Variants in ARHGAP6 observed in about 807,000 individuals in gnomAD.
The protein encoded by ARHGAP6 is Rho GTPase activating protein 6.
Under a neutral mutation model 55.7 loss-of-function variants are expected in ARHGAP6, and 16 were observed. That is an observed-to-expected ratio of 0.29 (90% CI 0.19 to 0.44). The LOEUF (loss-of-function observed/expected upper bound fraction) is 0.44. Ranked by LOEUF, ARHGAP6 falls within the 20% of genes least tolerant of loss-of-function variation. ARHGAP6 has a pLI of 1.00. For missense variants in ARHGAP6, 698 were observed against 808.9 expected, an observed-to-expected ratio of 0.86 and a Z score of 1.66; for synonymous variants, 382 against 360.9, an observed-to-expected ratio of 1.06 and a Z score of -0.66.
chrX:11,563,543 T>C (rs2051410632), intron 1 of ARHGAP6, among the ~76,000 whole-genome samples: 1 of 111,063 alleles, frequency 9.0e-6, no homozygotes, highest in Non-Finnish European at 1.9e-5. Context: ...TAAGTACATA[T>C]CCACCTACTA....
At chrX:11,511,136 A>T (rs915819899) in intron 1 of ARHGAP6, among the ~76,000 whole-genome samples, 4 of 112,465 alleles carry the variant, frequency 3.6e-5, no homozygotes, top group African/African-American at 1.3e-4. Flanking sequence ...GAGCATAATT[A>T]AAATGACACA....
chrX:11,329,763 C>T (rs780063491), intron 1 of ARHGAP6, among the ~76,000 whole-genome samples: 1 of 112,361 alleles, frequency 8.9e-6, no homozygotes, highest in South Asian at 3.7e-4. Context: ...ATAGCATGTA[C>T]TTACACAAAC....
intron 1 of ARHGAP6, among the ~76,000 whole-genome samples, chrX:11,633,318 G>A (rs1477309842): frequency 1.8e-5 from 2 of 112,085 alleles, no homozygotes; most frequent in African/African-American, 6.5e-5. Context: ...CACCCTCCCT[G>A]TCCCAGTGCC....
chrX:11,496,234 C>T (rs1390529783), intron 1 of ARHGAP6, among the ~76,000 whole-genome samples: 2 of 112,499 alleles, frequency 1.8e-5, no homozygotes, highest in African/African-American at 6.4e-5. Flanking sequence ...TAATGCCATG[C>T]TTATGTGAGA....
intron 1 of ARHGAP6, among the ~76,000 whole-genome samples, chrX:11,572,270 G>A (rs139543302): frequency 0.013 from 1,461 of 109,492 alleles, 22 homozygotes; most frequent in African/African-American, 0.045. Context: ...CATGTGCCAC[G>A]CTGGTGTGCC....
intron 1 of ARHGAP6, among the ~76,000 whole-genome samples, chrX:11,342,790 T>G (rs2048723661): frequency 1.8e-5 from 2 of 112,647 alleles, no homozygotes; most frequent in African/African-American, 6.4e-5. Flanking sequence ...TATTACCTCA[T>G]GCATTTCTTC....
intron 1 of ARHGAP6, among the ~76,000 whole-genome samples, chrX:11,263,274 T>C (rs1482470854): frequency 9.0e-6 from 1 of 111,235 alleles, no homozygotes; most frequent in African/African-American, 3.3e-5. Context: ...ACAGGCTGGT[T>C]CCCTGTTGCC....
intron 8 of ARHGAP6, among the ~76,000 whole-genome samples, chrX:11,174,622 CT>C (rs1409067898): frequency 0.02 from 983 of 50,260 alleles, 12 homozygotes; most frequent in Middle Eastern, 0.089. Flanking sequence ...CTTTCTCTTT[CT>C]TTTCTTTCTT....
intron 1 of ARHGAP6, among the ~76,000 whole-genome samples, chrX:11,299,969 T>TA (rs1201023260): frequency 1.8e-5 from 2 of 112,193 alleles, no homozygotes; most frequent in East Asian, 2.8e-4. Context: ...TTTCTGAATT[T>TA]AAAAAAATCA....
intron 1 of ARHGAP6, among the ~76,000 whole-genome samples, chrX:11,639,497 A>G (rs2052452008): frequency 9.0e-6 from 1 of 110,856 alleles, no homozygotes; most frequent in African/African-American, 3.3e-5. Context: ...TTTGCTGAGA[A>G]TGATGGTTTC....
At chrX:11,182,496 ATAAT>A (rs1400530979) in intron 5 of ARHGAP6, among the ~76,000 whole-genome samples, 3 of 111,739 alleles carry the variant, frequency 2.7e-5, no homozygotes, top group Non-Finnish European at 5.6e-5. Context: ...TCGTCTGATC[ATAAT>A]TAAAGTGTGC....
chrX:11,362,336 T>A (rs1569315516), intron 1 of ARHGAP6, among the ~76,000 whole-genome samples: 1 of 111,093 alleles, frequency 9.0e-6, no homozygotes, highest in African/African-American at 3.3e-5. Flanking sequence ...TAAAAAATGA[T>A]GAGTTCATGT....
At chrX:11,314,030 T>A (rs1291207784) in intron 1 of ARHGAP6, among the ~76,000 whole-genome samples, 2 of 112,516 alleles carry the variant, frequency 1.8e-5, no homozygotes, top group Non-Finnish European at 3.7e-5. Context: ...AAGTAATTCA[T>A]CGGATTCTCG....
At chrX:11,368,478 A>T (rs1206732645) in intron 1 of ARHGAP6, among the ~76,000 whole-genome samples, 1 of 111,924 alleles carries the variant, frequency 8.9e-6, no homozygotes, top group Non-Finnish European at 1.9e-5. Context: ...TAGGGAGGGC[A>T]TGGTTTTGGC....
intron 1 of ARHGAP6, among the ~76,000 whole-genome samples, chrX:11,405,277 C>T (rs1468008355): frequency 8.9e-6 from 1 of 111,878 alleles, no homozygotes; most frequent in Admixed American, 9.5e-5. Flanking sequence ...CCACTGTGAT[C>T]TCTACCACTC....
At chrX:11,499,297 T>C (rs1038972032) in intron 1 of ARHGAP6, among the ~76,000 whole-genome samples, 2 of 111,693 alleles carry the variant, frequency 1.8e-5, no homozygotes, top group African/African-American at 6.5e-5. Context: ...TATTGCGGAA[T>C]TGGGAGTCAT....
At chrX:11,583,328 G>A (rs1271608120) in intron 1 of ARHGAP6, among the ~76,000 whole-genome samples, 2 of 112,164 alleles carry the variant, frequency 1.8e-5, no homozygotes, top group Non-Finnish European at 3.8e-5. Context: ...TTGACAGTAG[G>A]TGATGCTTGT....
intron 1 of ARHGAP6, among the ~76,000 whole-genome samples, chrX:11,607,020 T>C (rs749978943): frequency 1.8e-5 from 2 of 112,205 alleles, no homozygotes; most frequent in East Asian, 5.6e-4. Flanking sequence ...ATTAATTTGA[T>C]TAAGTAGGAT....
chrX:11,483,230 G>A, intron 1 of ARHGAP6, among the ~76,000 whole-genome samples: 1 of 111,948 alleles, frequency 8.9e-6, no homozygotes, highest in Admixed American at 9.4e-5. Flanking sequence ...ATGTGTTCAA[G>A]AGGCAGGAAC....
Sources: allele counts gnomAD v4.1 joint callset (sites outside exome capture counted in the v4.1 genomes callset), GRCh38; gene constraint gnomAD v4.1.1; transcripts MANE v1.5; gene names NCBI Gene and HGNC (gene_info 2026-07-23, HGNC 2026-07-21).